The following NTNG1 variants were observed in gnomAD, a reference collection of about 807,000 sequenced individuals.
The protein encoded by NTNG1 is netrin-G1.
Under a neutral mutation model 54.0 loss-of-function variants are expected in NTNG1, and 16 were observed. The ratio of observed to expected loss-of-function variants is 0.30; its 90% CI spans 0.20 to 0.45. The LOEUF (loss-of-function observed/expected upper bound fraction) is 0.45, where lower values mean the gene tolerates loss of function less well. Ranked by LOEUF, NTNG1 falls within the 20% of genes least tolerant of loss-of-function variation. NTNG1 has a pLI of 1.00. For synonymous variants in NTNG1, 255 were observed against 263.1 expected (o/e 0.97, Z 0.30); for missense variants, 530 against 678.7 (o/e 0.78, Z 2.43).
intron 2 of NTNG1, among the ~76,000 whole-genome samples, chr1:107,240,895 C>G (rs1302338924): frequency 6.6e-6 from 1 of 152,078 alleles, no homozygotes; most frequent in Admixed American, 6.6e-5. Context: ...TTCATTTAAC[C>G]TAGGCTCTGT....
intron 5 of NTNG1, among the ~76,000 whole-genome samples, chr1:107,413,927 G>GA (rs913491330): frequency 4.6e-5 from 7 of 151,630 alleles, no homozygotes; most frequent in East Asian, 3.9e-4. Context: ...AACAATAATA[G>GA]AAAAAAAATC....
chr1:107,168,670 T>A (rs1435273810), intron 2 of NTNG1, among the ~76,000 whole-genome samples: 1 of 152,156 alleles, frequency 6.6e-6, no homozygotes, highest in Non-Finnish European at 1.5e-5. Flanking sequence ...CATTGTATTA[T>A]ATCTATAGCA....
intron 3 of NTNG1, among the ~76,000 whole-genome samples, chr1:107,347,691 A>G (rs1481817035): frequency 6.6e-6 from 1 of 152,110 alleles, no homozygotes; most frequent in Non-Finnish European, 1.5e-5. Flanking sequence ...AGACTGGGTA[A>G]TTTATAAAGG....
At chr1:107,334,257 A>C (rs1006295455) in intron 3 of NTNG1, among the ~76,000 whole-genome samples, 1 of 152,078 alleles carries the variant, frequency 6.6e-6, no homozygotes, top group Non-Finnish European at 1.5e-5. Context: ...ATGAATAACA[A>C]ATCAGAGCCC....
intron 2 of NTNG1, among the ~76,000 whole-genome samples, chr1:107,277,014 G>C (rs917121961): frequency 4.6e-5 from 7 of 152,274 alleles, no homozygotes; most frequent in African/African-American, 1.7e-4. Flanking sequence ...AAATTTGTCA[G>C]ATCACCATGC....
intron 3 of NTNG1, among the ~76,000 whole-genome samples, chr1:107,375,105 A>T (rs1671151478): frequency 6.6e-6 from 1 of 152,170 alleles, no homozygotes; most frequent in South Asian, 2.1e-4. Context: ...TTCTTCATAC[A>T]CATACACTAA....
intron 7 of NTNG1, among the ~76,000 whole-genome samples, chr1:107,472,280 T>C (rs1678033445): frequency 6.6e-6 from 1 of 152,122 alleles, no homozygotes; most frequent in African/African-American, 2.4e-5. Flanking sequence ...AGACCATCCA[T>C]CATCATATAT....
chr1:107,361,095 GA>G (rs1191466352), intron 3 of NTNG1, among the ~76,000 whole-genome samples: 8 of 144,394 alleles, frequency 5.5e-5, no homozygotes, highest in South Asian at 2.1e-4. Flanking sequence ...AAATGGGTTT[GA>G]AAAAATATAT....
Position 107,305,539 on chromosome 1 carries a change from TTGAGAAGTGTC to T in NTNG1, c.247-18740_247-18730del, listed in dbSNP as rs200115090. Among the ~76,000 whole-genome samples the T allele has an allele frequency of 5.0e-4, 76 of 152,356 alleles. No individual in the cohort carries two copies. The East Asian group carries it at 0.013, about 27-fold the overall frequency. The stretch of plus-strand genomic sequence containing the variant: ...TTGTTGGCCGCATAAATGTCTTCTT[TTGAGAAGTGTC>T]TGTTTATATACTTCACCCACTTTTT... On this transcript the variant is annotated intron_variant, in intron 2 of 7. Transcript: ENST00000370068.
chr1:107,287,275 C>T (rs186852147), intron 2 of NTNG1, among the ~76,000 whole-genome samples: 5 of 152,022 alleles, frequency 3.3e-5, no homozygotes, highest in Non-Finnish European at 5.9e-5. Context: ...AAAAAAAAGG[C>T]GATGATAAAA....
intron 2 of NTNG1, among the ~76,000 whole-genome samples, chr1:107,323,975 G>A (rs1277935279): frequency 6.6e-6 from 1 of 152,060 alleles, no homozygotes; most frequent in Non-Finnish European, 1.5e-5. Flanking sequence ...CGGAGGTATT[G>A]AGCTGTTAGA....
intron 2 of NTNG1, among the ~76,000 whole-genome samples, chr1:107,310,636 G>A (rs1666953170): frequency 6.6e-6 from 1 of 152,042 alleles, no homozygotes; most frequent in South Asian, 2.1e-4. Flanking sequence ...GTATGAACTT[G>A]GACAAGCACA....
chr1:107,476,027 C>G (rs1468598777), intron 7 of NTNG1, among the ~76,000 whole-genome samples: 2 of 152,190 alleles, frequency 1.3e-5, no homozygotes, highest in Non-Finnish European at 2.9e-5. Flanking sequence ...TCAAGAACCC[C>G]TTATGACAGA....
In NTNG1 at chr1:107,458,634, A is replaced by T. The variant is rs549820383; in HGVS notation, c.1390+21835A>T. On this transcript the variant is annotated intron_variant, in intron 7 of 7. Coordinates refer to ENST00000370068, the MANE Select transcript of NTNG1 (RefSeq NM_001113226.3). ...ACAGATTAACAATATTCATGAAACA[A>T]TTATTCAAAAATTAACCTGATGGCC... Among the ~76,000 whole-genome samples, 15 of 152,330 alleles carry T rather than the reference A, an allele frequency of 9.8e-5. No homozygotes were observed. The South Asian group carries it at 2.9e-3, about 29-fold the overall frequency.
chr1:107,395,214 A>C lies in NTNG1; in HGVS notation c.948A>C (p.Glu316Asp). The C allele has an allele frequency of 6.2e-7, 1 of 1,613,534 alleles. No individual in the cohort carries two copies. Among genetic ancestry groups the C allele is most frequent in the African/African-American group, 1.3e-5 (1 of 74,996 alleles). The change falls in exon 4 of 8, where the codon GAA (glutamate) becomes GAC (aspartate). Residue 316 changes from glutamate (E) to aspartate (D), a missense_variant. Glu to Asp is a conservative substitution (Grantham distance 45, BLOSUM62 2). This residue lies in a region of NTNG1 where 318 missense variants were observed against 465.1 expected (regional missense o/e 0.68). Transcript: ENST00000370068. ...ATGACAACAGCAAATTGACATGCGA[A>C]TGTGAGCACAACACTACAGGTCCAG... ...CVYDNSKLTC[E>D]CEHNTTGPDC...
chr1:107,392,718 A>T (rs1471241783), intron 3 of NTNG1, among the ~76,000 whole-genome samples: 1 of 152,140 alleles, frequency 6.6e-6, no homozygotes, highest in African/African-American at 2.4e-5. Flanking sequence ...GGGAGGGGAG[A>T]GGACTTAGGA....
intron 7 of NTNG1, among the ~76,000 whole-genome samples, chr1:107,471,532 T>C (rs1211316047): frequency 6.6e-6 from 1 of 152,198 alleles, no homozygotes; most frequent in Non-Finnish European, 1.5e-5. Context: ...CCCTCCCTGC[T>C]ACTCTGGAAA....
intron 2 of NTNG1, among the ~76,000 whole-genome samples, chr1:107,249,723 A>G (rs1014543237): frequency 6.6e-6 from 1 of 152,214 alleles, no homozygotes; most frequent in Non-Finnish European, 1.5e-5. Context: ...TGAGAAAATG[A>G]GCTTACTTCA....
Position 107,314,787 on chromosome 1 carries a change from C to G in NTNG1, c.247-9495C>G, listed in dbSNP as rs1267706394. 2.6e-5 allele frequency among the ~76,000 whole-genome samples: 4 copies of G among 152,148 alleles called. 1 individual carries two copies. Among genetic ancestry groups the G allele is most frequent in the Non-Finnish European group, 5.9e-5 (4 of 68,034 alleles). On this transcript the variant is annotated intron_variant, in intron 2 of 7. Coordinates refer to ENST00000370068, the MANE Select transcript of NTNG1 (RefSeq NM_001113226.3). ...GTTAACTCATTGACTGGACTCGTGT[C>G]CTGACTTTTGAGACTTACTAGCTCA...
Sources: allele counts gnomAD v4.1 joint callset (sites outside exome capture counted in the v4.1 genomes callset), GRCh38; gene constraint gnomAD v4.1.1; regional missense constraint gnomAD v4.1.1; transcripts MANE v1.5; gene names NCBI Gene and HGNC (gene_info 2026-07-23, HGNC 2026-07-21).